Variants in CYB5R4 observed in about 807,000 individuals in gnomAD.
CYB5R4 encodes N-terminal cytochrome b5 and cytochrome b5 oxidoreductase domain-containing protein.
In CYB5R4, 55 loss-of-function variants were observed where a neutral mutation model predicts 70.2. The ratio of observed to expected loss-of-function variants is 0.78; its 90% CI spans 0.63 to 0.98. The LOEUF is 0.98. CYB5R4 is among the 50% of genes least tolerant of loss of function. The pLI is 0.00. For missense variants in CYB5R4, 562 were observed against 612.6 expected, an observed-to-expected ratio of 0.92 and a Z score of 0.87; for synonymous variants, 197 against 199.5, an observed-to-expected ratio of 0.99 and a Z score of 0.11.
chr6:83,885,300 A>C (rs1396100496), intron 2 of CYB5R4, among the ~76,000 whole-genome samples: 1 of 152,200 alleles, frequency 6.6e-6, no homozygotes, highest in African/African-American at 2.4e-5. Context: ...ATGAGAATAG[A>C]AAAAGACAAA....
chr6:83,898,270 T>G lies in CYB5R4; in HGVS notation c.330+4648T>G, dbSNP rs545430297. 4.3e-3 allele frequency among the ~76,000 whole-genome samples: 656 copies of G among 152,296 alleles called. 5 individuals carry two copies. The highest frequency in any genetic ancestry group is 0.014 in the African/African-American group (598 of 41,550). On this transcript the variant is annotated intron_variant, in intron 3 of 15. Coordinates refer to ENST00000369681, the MANE Select transcript of CYB5R4 (RefSeq NM_016230.4). ...GTCAGGTTTGTCAAAGATCAGATAGTTGTAGATATGTGGCATTAGTTCTGA... is the reference window on the plus strand; with the variant it reads ...GTCAGGTTTGTCAAAGATCAGATAGGTGTAGATATGTGGCATTAGTTCTGA...
chr6:83,890,185 G>C lies in CYB5R4; in HGVS notation c.230-3337G>C, dbSNP rs933766427. 2.0e-5 allele frequency among the ~76,000 whole-genome samples: 3 copies of C among 152,202 alleles called. No homozygotes were observed. The East Asian group carries it at 5.8e-4, about 29-fold the overall frequency. On this transcript the variant is annotated intron_variant, in intron 2 of 15. Transcript: ENST00000369681. ...GATTCCTCTGATGGATCTGGGAAAA[G>C]TAGATTGAAAATCTTCTGCAAAAGA...
chr6:83,935,986 A>G (rs1462245688), intron 11 of CYB5R4, among the ~76,000 whole-genome samples: 2 of 152,138 alleles, frequency 1.3e-5, no homozygotes, highest in African/African-American at 4.8e-5. Context: ...TAGACTATAC[A>G]TCATAAAAAC....
intron 2 of CYB5R4, among the ~76,000 whole-genome samples, chr6:83,870,293 C>T (rs924043864): frequency 2.0e-5 from 3 of 152,140 alleles, no homozygotes; most frequent in Non-Finnish European, 4.4e-5. Context: ...GTGTTTGCAG[C>T]AATTTTATGG....
intron 2 of CYB5R4, among the ~76,000 whole-genome samples, chr6:83,879,951 C>T (rs541132553): frequency 6.6e-6 from 1 of 152,256 alleles, no homozygotes; most frequent in East Asian, 1.9e-4. Flanking sequence ...AGGGGCGTGT[C>T]ATCCTTTGGA....
At chr6:83,898,773 A>T (rs907854723) in intron 3 of CYB5R4, among the ~76,000 whole-genome samples, 1 of 151,848 alleles carries the variant, frequency 6.6e-6, no homozygotes, top group African/African-American at 2.4e-5. Flanking sequence ...TTTGTCTGTT[A>T]TTGGTGTATA....
Position 83,956,371 on chromosome 6 carries a change from TG to T in CYB5R4, c.1511+917del, listed in dbSNP as rs564743878. The stretch of plus-strand genomic sequence containing the variant: ...AAGGCAGGACAACTCAAAGCTGGAT[TG>T]GGGGGGGCACGGGTTTCCAGGCTCT... On this transcript the variant is annotated intron_variant, in intron 15 of 15. Transcript: ENST00000369681. Among the ~76,000 whole-genome samples the T allele has an allele frequency of 2.6e-4, 39 of 151,662 alleles. 1 individual carries two copies. The highest frequency in any genetic ancestry group is 6.6e-4 in the Admixed American group (10 of 15,200).
chr6:83,936,914 A>G (rs1379128510), intron 12 of CYB5R4, among the ~76,000 whole-genome samples: 1 of 152,254 alleles, frequency 6.6e-6, no homozygotes, highest in African/African-American at 2.4e-5. Context: ...ATTCACAGGT[A>G]CATGCAGTTG....
rs190328822 is a variant in CYB5R4 at position 83,902,649 on chromosome 6, A to G, written c.331-6360A>G. On this transcript the variant is annotated intron_variant, in intron 3 of 15. Coordinates refer to ENST00000369681, the MANE Select transcript of CYB5R4 (RefSeq NM_016230.4). ...TGATTGTTACTAATTCTTCTGATCC[A>G]TGAGCACAGTATATCTTTCCATTTG... 2.7e-3 allele frequency among the ~76,000 whole-genome samples: 408 copies of G among 152,216 alleles called. 2 individuals carry two copies. Among genetic ancestry groups the G allele is most frequent in the African/African-American group, 9.4e-3 (391 of 41,546 alleles).
chr6:83,893,405 T>C (rs1432411984), intron 2 of CYB5R4, 117 bp from the exon 3 acceptor site: 5 of 625,812 alleles, frequency 8.0e-6, no homozygotes, highest in East Asian at 5.8e-5. Context: ...TACTTTGAAA[T>C]AACAGTGATT....
At chr6:83,922,083 ACACTGGGGCTTGCGTGCTT>A (rs1346202115) in intron 8 of CYB5R4, among the ~76,000 whole-genome samples, 9 of 152,120 alleles carry the variant, frequency 5.9e-5, no homozygotes, top group African/African-American at 1.7e-4. Flanking sequence ...ACACACTCAC[ACACTGGGGCTTGCGTGCTT>A]CAGGTGCTGC....
intron 10 of CYB5R4, among the ~76,000 whole-genome samples, chr6:83,934,262 A>G (rs1436593504): frequency 1.3e-5 from 2 of 151,942 alleles, no homozygotes; most frequent in Admixed American, 6.6e-5. Flanking sequence ...AAAAGACTTT[A>G]GAATGTAAGT....
At chr6:83,878,548 G>A (rs1562828521) in intron 2 of CYB5R4, among the ~76,000 whole-genome samples, 1 of 152,030 alleles carries the variant, frequency 6.6e-6, no homozygotes, top group Non-Finnish European at 1.5e-5. Context: ...GGGTTTCACA[G>A]TGTTAGCCAG....
chr6:83,951,799 A>C (rs1248687972), intron 14 of CYB5R4, among the ~76,000 whole-genome samples: 1 of 152,200 alleles, frequency 6.6e-6, no homozygotes, highest in African/African-American at 2.4e-5. Flanking sequence ...GTATATACCC[A>C]GTAATGGGAT....
chr6:83,915,383 T>A (rs1296792586), intron 5 of CYB5R4, among the ~76,000 whole-genome samples: 1 of 152,264 alleles, frequency 6.6e-6, no homozygotes, highest in Non-Finnish European at 1.5e-5. Flanking sequence ...TGTGGACTAA[T>A]TTATGCAATT....
At chr6:83,888,460 CA>C (rs1374654595) in intron 2 of CYB5R4, among the ~76,000 whole-genome samples, 1 of 152,068 alleles carries the variant, frequency 6.6e-6, no homozygotes, top group Non-Finnish European at 1.5e-5. Context: ...ATAGTTCTTG[CA>C]AACTTTTTCA....
chr6:83,911,378 G>T (rs1476863738), intron 4 of CYB5R4, among the ~76,000 whole-genome samples: 2 of 152,260 alleles, frequency 1.3e-5, no homozygotes, highest in East Asian at 3.9e-4. Context: ...GAACCAAGAA[G>T]TCTTCTGGCA....
chr6:83,889,339 C>T (rs2099460750), intron 2 of CYB5R4, among the ~76,000 whole-genome samples: 2 of 152,198 alleles, frequency 1.3e-5, no homozygotes, highest in African/African-American at 4.8e-5. Context: ...AAAGGACAGT[C>T]TGACAGTCTG....
At chr6:83,941,014 G>A (rs1261055813) in intron 14 of CYB5R4, among the ~76,000 whole-genome samples, 1 of 152,188 alleles carries the variant, frequency 6.6e-6, no homozygotes, top group Non-Finnish European at 1.5e-5. Context: ...TAATATGTTA[G>A]TATCCTTTGT....
Sources: gnomAD v4.1 joint callset for allele counts (sites outside exome capture counted in the v4.1 genomes callset) on GRCh38, gnomAD v4.1.1 for gene constraint, MANE v1.5 for transcripts, NCBI Gene and HGNC (gene_info 2026-07-23, HGNC 2026-07-21) for gene names.